The following CEP85L variants were observed in gnomAD, a reference collection of about 807,000 sequenced individuals.
The protein encoded by CEP85L is centrosomal protein of 85 kDa-like.
CEP85L carries 60 observed loss-of-function variants against 100.3 expected under a neutral mutation model. That is an observed-to-expected ratio of 0.60 (90% CI 0.49 to 0.74). CEP85L has a LOEUF of 0.74. Ranked by LOEUF, CEP85L falls within the 30% of genes least tolerant of loss-of-function variation. The pLI is 0.00. For synonymous variants in CEP85L, 319 were observed against 322.7 expected (o/e 0.99, Z 0.12); for missense variants, 973 against 936.2 (o/e 1.04, Z -0.51).
At chr6:118,655,997 T>A (rs1775775356), upstream of CEP85L, among the ~76,000 whole-genome samples, 1 of 152,346 alleles carries the variant, frequency 6.6e-6, no homozygotes, top group Middle Eastern at 3.4e-3. Flanking sequence ...CTCTTCAACA[T>A]GCTGTGAAAT....
rs1772241766 is a variant in CEP85L at position 118,461,669 on chromosome 6, T to C, written c.*3736A>G. The C allele has an allele frequency of 6.6e-6, 1 of 152,092 alleles. No individual in the cohort carries two copies. Among genetic ancestry groups the C allele is most frequent in the Admixed American group, 6.6e-5 (1 of 15,262 alleles). The allele number at this position is 152,092 out of a possible 1,614,324, so 9.4% of individuals were successfully genotyped here. A position where few individuals can be genotyped will look rare whatever the true frequency, so the allele number is the denominator to read the frequency against. ...TGATTAAATATATGATATAATCATA[T>C]GGCAATATGCCACCCATGGCATTTT... On this transcript the variant is annotated 3_prime_UTR_variant, in exon 13 of 13. Coordinates refer to ENST00000368491, the MANE Select transcript of CEP85L (RefSeq NM_001042475.3).
Position 118,565,527 on chromosome 6 carries a change from A to C in CEP85L, c.1020+2T>G. Reference sequence around the variant, plus strand: ...AAGCAAACACTAGATTTTGCACCTTACCTGCATTGGTGTTTCACTTCCTTG... The same window carrying C: ...AAGCAAACACTAGATTTTGCACCTTCCCTGCATTGGTGTTTCACTTCCTTG... On this transcript the variant is annotated splice_donor_variant, in intron 3 of 12. Transcript: ENST00000368491. LOFTEE classifies it high-confidence loss of function. The C allele has an allele frequency of 6.2e-7, 1 of 1,614,026 alleles. No individual in the cohort carries two copies. The highest frequency in any genetic ancestry group is 8.5e-7 in the Non-Finnish European group (1 of 1,179,890).
At chr6:118,545,628 T>G (rs1778156017) in intron 3 of CEP85L, among the ~76,000 whole-genome samples, 1 of 152,138 alleles carries the variant, frequency 6.6e-6, no homozygotes. Flanking sequence ...GGAACACATT[T>G]AAAATGCTAC....
intron 10 of CEP85L, among the ~76,000 whole-genome samples, chr6:118,473,742 G>A (rs1298437557): frequency 6.6e-6 from 1 of 152,094 alleles, no homozygotes; most frequent in Non-Finnish European, 1.5e-5. Context: ...GGCAATGGAG[G>A]AGGCAAGGAG....
chr6:118,657,743 A>T (rs377554630), intron 1 of CEP85L, among the ~76,000 whole-genome samples: 3 of 152,332 alleles, frequency 2.0e-5, no homozygotes, highest in Non-Finnish European at 2.9e-5. Context: ...CCCCCCAATT[A>T]AAAAAGTTTG....
chr6:118,666,062 T>C (rs544744409), intron 1 of CEP85L, among the ~76,000 whole-genome samples: 21 of 152,364 alleles, frequency 1.4e-4, no homozygotes, highest in African/African-American at 5.0e-4. Context: ...TGTTCCACTC[T>C]GGTGCCAAGT....
At chr6:118,578,871 C>T (rs567917857) in intron 2 of CEP85L, among the ~76,000 whole-genome samples, 3 of 152,274 alleles carry the variant, frequency 2.0e-5, no homozygotes, top group East Asian at 1.9e-4. Context: ...TTTGCGGCAC[C>T]GAGCACTTGT....
chr6:118,577,792 C>A (rs1780329466), intron 2 of CEP85L, among the ~76,000 whole-genome samples: 2 of 152,164 alleles, frequency 1.3e-5, no homozygotes, highest in South Asian at 4.1e-4. Context: ...TTCTAGAATT[C>A]TTCTCTAGTC....
chr6:118,593,767 A>G (rs1368803603), intron 2 of CEP85L, among the ~76,000 whole-genome samples: 2 of 151,884 alleles, frequency 1.3e-5, no homozygotes, highest in Non-Finnish European at 1.5e-5. Context: ...CTTTTTATGA[A>G]CAAGTCACCA....
intron 4 of CEP85L, among the ~76,000 whole-genome samples, chr6:118,522,943 T>C (rs141470453): frequency 1.1e-3 from 169 of 152,276 alleles, no homozygotes; most frequent in African/African-American, 3.9e-3. Flanking sequence ...GTCTAGTTTA[T>C]ATTCCAGTAG....
At chr6:118,704,360 T>G (rs1303895599) in intron 1 of CEP85L, among the ~76,000 whole-genome samples, 1 of 152,232 alleles carries the variant, frequency 6.6e-6, no homozygotes, top group Non-Finnish European at 1.5e-5. Context: ...TGGCTCATTT[T>G]CTGAGTGGAC....
intron 3 of CEP85L, among the ~76,000 whole-genome samples, chr6:118,547,246 G>A (rs1397285573): frequency 4.6e-5 from 7 of 152,040 alleles, no homozygotes; most frequent in African/African-American, 7.2e-5. Flanking sequence ...GGAGAATGAT[G>A]CCCGGCTTTA....
intron 1 of CEP85L, among the ~76,000 whole-genome samples, chr6:118,696,467 G>A (rs1209319985): frequency 6.6e-6 from 1 of 152,154 alleles, no homozygotes; most frequent in East Asian, 1.9e-4. Flanking sequence ...ATTTATTTCT[G>A]CTGCTAGCAA....
intron 2 of CEP85L, among the ~76,000 whole-genome samples, chr6:118,600,911 G>A (rs1781752902): frequency 6.6e-6 from 1 of 152,016 alleles, no homozygotes; most frequent in Non-Finnish European, 1.5e-5. Context: ...TTCTTTCTAG[G>A]TTGGTACATA....
chr6:118,600,915 G>C (rs1279686301), intron 2 of CEP85L, among the ~76,000 whole-genome samples: 1 of 152,040 alleles, frequency 6.6e-6, no homozygotes, highest in Non-Finnish European at 1.5e-5. Flanking sequence ...TTCTAGGTTG[G>C]TACATATATA....
At chr6:118,469,342 C>G (rs1306980787) in intron 11 of CEP85L, 39 bp from the exon 12 acceptor site, 4 of 1,518,146 alleles carry the variant, frequency 2.6e-6, no homozygotes, top group Admixed American at 1.7e-5. Context: ...ATTGTTAGAA[C>G]AGAGGAAAGG....
chr6:118,476,806 T>C (rs1282525163), intron 10 of CEP85L, among the ~76,000 whole-genome samples: 2 of 152,232 alleles, frequency 1.3e-5, no homozygotes, highest in Admixed American at 1.3e-4. Flanking sequence ...TGATCATCTA[T>C]TGATGGCTGT....
chr6:118,597,754 C>CATCT (rs1179600596), intron 2 of CEP85L, among the ~76,000 whole-genome samples: 1 of 152,142 alleles, frequency 6.6e-6, no homozygotes, highest in Non-Finnish European at 1.5e-5. Flanking sequence ...CGACTATAGT[C>CATCT]ATCTATTCAG....
chr6:118,464,186 T>C lies in CEP85L; in HGVS notation c.*1219A>G, dbSNP rs971449423. 1 of 152,188 alleles carries C rather than the reference T, an allele frequency of 6.6e-6. No homozygotes were observed. The highest frequency in any genetic ancestry group is 1.5e-5 in the Non-Finnish European group (1 of 68,010). The allele number at this position is 152,188 out of a possible 1,614,324, so 9.4% of individuals were successfully genotyped here. A position where few individuals can be genotyped will look rare whatever the true frequency, so the allele number is the denominator to read the frequency against. ...CTGAAGGCAATAAAATGTATAATCC[T>C]TCCAAAATACCAACAGAAACATGGA... On this transcript the variant is annotated 3_prime_UTR_variant, in exon 13 of 13. Transcript: ENST00000368491.
Sources: allele counts gnomAD v4.1 joint callset (sites outside exome capture counted in the v4.1 genomes callset), GRCh38; gene constraint gnomAD v4.1.1; transcripts MANE v1.5; gene names NCBI Gene and HGNC (gene_info 2026-07-23, HGNC 2026-07-21).